SHOC1: variants seen among roughly 807,000 people sequenced by gnomAD.
The protein encoded by SHOC1 is shortage in chiasmata 1, also known as protein shortage in chiasmata 1 ortholog.
In SHOC1, 136 loss-of-function variants were observed where a neutral mutation model predicts 179.2. The ratio of observed to expected loss-of-function variants is 0.76; its 90% CI spans 0.66 to 0.87. SHOC1 has a LOEUF of 0.87. Among genes scored for constraint, SHOC1 ranks in the 40% least tolerant of loss-of-function variants. SHOC1 has a pLI of 0.00. For missense variants in SHOC1, 1,538 were observed against 1,700.8 expected, an observed-to-expected ratio of 0.90 and a Z score of 1.68; for synonymous variants, 489 against 586.6, an observed-to-expected ratio of 0.83 and a Z score of 2.41.
At position 111,699,981 on chromosome 9, in the gene SHOC1, C is replaced by T. The variant is rs1015903949; in HGVS notation, c.3156G>A (p.Gly1052=). 7 of 1,608,008 alleles carry T rather than the reference C, an allele frequency of 4.4e-6. No homozygotes were observed. Among genetic ancestry groups the T allele is most frequent in the Admixed American group, 1.7e-5 (1 of 59,760 alleles). ...ALIYAALVSF[G]LNSEELDVKL... ...TTACATCCAGTTCTTCAGAGTTTAG[C>T]CCAAATGAAACCAAAGCTGCATAAA... is the stretch of plus-strand genomic sequence containing the variant. The change falls in exon 24 of 28, where the codon GGG becomes GGA. Residue 1052 remains glycine, a synonymous_variant. Coordinates refer to ENST00000682961, the MANE Select transcript of SHOC1 (RefSeq NM_001378211.1).
At chr9:111,723,747 C>T in intron 14 of SHOC1, 45 bp downstream of exon 14, 1 of 1,589,250 alleles carries the variant, frequency 6.3e-7, no homozygotes, top group Non-Finnish European at 8.5e-7. Flanking sequence ...AAAGGACTTT[C>T]AAACTAAGCA....
intron 7 of SHOC1, among the ~76,000 whole-genome samples, chr9:111,756,723 AAT>A (rs1834878614): frequency 6.6e-6 from 1 of 152,230 alleles, no homozygotes; most frequent in Non-Finnish European, 1.5e-5. Context: ...AGTGGTGTAC[AAT>A]ATCCCTAGAT....
At chr9:111,781,659 G>T (rs758390711) in intron 3 of SHOC1, among the ~76,000 whole-genome samples, 1 of 152,044 alleles carries the variant, frequency 6.6e-6, no homozygotes, top group Non-Finnish European at 1.5e-5. Flanking sequence ...GGAAACAGAG[G>T]CTGCAGTGAG....
At chr9:111,715,456 G>A (rs149920936) in intron 16 of SHOC1, among the ~76,000 whole-genome samples, 125 of 152,190 alleles carry the variant, frequency 8.2e-4, no homozygotes, top group African/African-American at 2.7e-3. Flanking sequence ...ACTGACTTAC[G>A]TTCTTTCTGC....
At chr9:111,782,035 C>A (rs959736295) in intron 3 of SHOC1, among the ~76,000 whole-genome samples, 1 of 152,004 alleles carries the variant, frequency 6.6e-6, no homozygotes, top group Non-Finnish European at 1.5e-5. Context: ...CACAGTGAAA[C>A]CCTGTCTGTA....
At chr9:111,724,012 T>G in intron 13 of SHOC1, 101 bp from the exon 14 acceptor site, 1 of 874,450 alleles carries the variant, frequency 1.1e-6, no homozygotes, top group East Asian at 2.7e-5. Context: ...AGTTGTTAAA[T>G]TTCTTCATTG....
intron 4 of SHOC1, among the ~76,000 whole-genome samples, chr9:111,777,225 C>T (rs998963554): frequency 4.6e-5 from 7 of 152,088 alleles, no homozygotes; most frequent in African/African-American, 1.2e-4. Context: ...GATGTTATCC[C>T]GAGGAACAAT....
chr9:111,756,539 T>C (rs987513517), intron 7 of SHOC1, 61 bp from the exon 8 acceptor site: 18 of 1,466,768 alleles, frequency 1.2e-5, no homozygotes, highest in Non-Finnish European at 1.7e-5. Flanking sequence ...ATTTTCGAAA[T>C]CATAAGTGGA....
At chr9:111,710,929 G>A (rs545078523) in intron 18 of SHOC1, among the ~76,000 whole-genome samples, 7 of 152,292 alleles carry the variant, frequency 4.6e-5, no homozygotes, top group Admixed American at 4.6e-4. Flanking sequence ...GCAGCTTATA[G>A]AGGGAAGAGA....
At chr9:111,688,032 TGAC>T (rs1046130664) in intron 27 of SHOC1, among the ~76,000 whole-genome samples, 2 of 152,178 alleles carry the variant, frequency 1.3e-5, no homozygotes, top group African/African-American at 4.8e-5. Flanking sequence ...GGAATATTAA[TGAC>T]GACAGGACCT....
At chr9:111,688,360 TC>T (rs1237477218) in intron 27 of SHOC1, among the ~76,000 whole-genome samples, 1 of 152,198 alleles carries the variant, frequency 6.6e-6, no homozygotes, top group African/African-American at 2.4e-5. Context: ...CAATTTATTA[TC>T]CATATATTAT....
chr9:111,729,594 C>T (rs1439460436), intron 12 of SHOC1, among the ~76,000 whole-genome samples: 1 of 152,190 alleles, frequency 6.6e-6, no homozygotes. Flanking sequence ...AGTAGAACTT[C>T]TTTCAAAATT....
At chr9:111,702,037 C>A in intron 23 of SHOC1, 68 bp downstream of exon 23, 1 of 1,157,558 alleles carries the variant, frequency 8.6e-7, no homozygotes, top group South Asian at 1.8e-5. Context: ...TAGCCATTTC[C>A]ATTCAAATAA....
At position 111,746,693 on chromosome 9, in the gene SHOC1, T is replaced by C. The variant is rs142103486; in HGVS notation, c.971-351A>G. On this transcript the variant is annotated intron_variant, in intron 9 of 27. Coordinates refer to ENST00000682961, the MANE Select transcript of SHOC1 (RefSeq NM_001378211.1). ...CTAAAAAAAATAAATAAATAAAAAT[T>C]AAGTATAATTTAGAACATTTTGTAA... Among the ~76,000 whole-genome samples, 860 of 152,118 alleles carry C rather than the reference T, an allele frequency of 5.7e-3. 12 individuals are homozygous for C. The highest frequency in any genetic ancestry group is 0.019 in the African/African-American group (794 of 41,522).
At chr9:111,692,646 A>G (rs546015104) in intron 26 of SHOC1, 135 bp from the exon 27 acceptor site, 1 of 527,444 alleles carries the variant, frequency 1.9e-6, no homozygotes, top group Non-Finnish European at 3.2e-6. Context: ...TATTAAGAAC[A>G]TGAAATCATT....
chr9:111,727,794 G>A lies in SHOC1; in HGVS notation c.1673C>T (p.Ser558Phe), dbSNP rs779663327. 1 of 1,613,374 alleles carries A rather than the reference G, an allele frequency of 6.2e-7. No individual in the cohort carries two copies. Among genetic ancestry groups the A allele is most frequent in the Admixed American group, 1.7e-5 (1 of 59,974 alleles). ...TATTGAAGAGGAAGGTGATTTAATA[G>A]ATGGTCCTGTGCAGTCAAGTTCAAA... ...DHFELDCTGP[S>F]IKSPSSSIIK... The change falls in exon 13 of 28, where the codon TCT becomes TTT. Residue 558 changes from serine to phenylalanine, a missense_variant. Ser to Phe is a radical substitution (Grantham distance 155). Transcript: ENST00000682961.
rs564071747 is a variant in SHOC1, at chr9:111,758,838, A to G, written c.453T>C (p.Ile151=). Reference sequence around the variant, plus strand: ...TTACAAAAAGTATTCCTTTATCATCAATAAATAAATCTGAAAAGAAATAAG... The same window carrying G: ...TTACAAAAAGTATTCCTTTATCATCGATAAATAAATCTGAAAAGAAATAAG... ...ALQNQNQDLF[I]DDKGILFVSS... The change falls in exon 6 of 28, where the codon ATT becomes ATC. Residue 151 remains isoleucine, a synonymous_variant. Transcript: ENST00000682961. 8.7e-6 allele frequency: 13 copies of G among 1,491,532 alleles called. No individual in the cohort carries two copies. In the Admixed American group the frequency reaches 2.0e-4, roughly 22 times the overall value. The allele number at this position is 1,491,532 out of a possible 1,614,324, so 92.4% of individuals were successfully genotyped here.
chr9:111,698,361 A>C (rs1229306636), intron 24 of SHOC1, among the ~76,000 whole-genome samples: 4 of 152,090 alleles, frequency 2.6e-5, no homozygotes, highest in Non-Finnish European at 5.9e-5. Context: ...TCTTGAATTA[A>C]TTTTTCTGTA....
At chr9:111,698,987 A>G (rs1444621312) in intron 24 of SHOC1, among the ~76,000 whole-genome samples, 1 of 152,134 alleles carries the variant, frequency 6.6e-6, no homozygotes, top group African/African-American at 2.4e-5. Flanking sequence ...GCATTGTGCT[A>G]GGTTCCAGGA....
Sources: gnomAD v4.1 joint callset for allele counts (sites outside exome capture counted in the v4.1 genomes callset) on GRCh38, gnomAD v4.1.1 for gene constraint, MANE v1.5 for transcripts, NCBI Gene and HGNC (gene_info 2026-07-23, HGNC 2026-07-21) for gene names.